Variants in ANXA5 observed in about 807,000 individuals in gnomAD.
ANXA5 encodes the protein annexin A5, also known as CBP-I.
ANXA5 carries 40 observed loss-of-function variants against 48.1 expected under a neutral mutation model. That is an observed-to-expected ratio of 0.83 (90% confidence interval 0.65 to 1.08). The LOEUF (loss-of-function observed/expected upper bound fraction) is 1.08. Ranked by LOEUF, ANXA5 falls within the 50% of genes least tolerant of loss-of-function variation. The pLI, the probability that ANXA5 is intolerant of heterozygous loss-of-function variation, is 0.00. For synonymous variants in ANXA5, 113 were observed against 129.1 expected, an observed-to-expected ratio of 0.88 and a Z score of 0.85; for missense variants, 357 against 376.8, an observed-to-expected ratio of 0.95 and a Z score of 0.44.
At chr4:121,671,805 T>C (rs1203191185) in intron 9 of ANXA5, among the ~76,000 whole-genome samples, 163 bp from the exon 10 acceptor site, 1 of 152,114 alleles carries the variant, frequency 6.6e-6, no homozygotes, top group Non-Finnish European at 1.5e-5. Context: ...CCCTAAGCAA[T>C]GGATTGTAAA....
chr4:121,677,170 AC>A (rs1400319486), intron 8 of ANXA5, among the ~76,000 whole-genome samples: 3 of 152,200 alleles, frequency 2.0e-5, no homozygotes, highest in Admixed American at 6.5e-5. Context: ...TTTCAATGAT[AC>A]ATGACAAACA....
chr4:121,696,413 A>C (rs952431651), intron 2 of ANXA5, among the ~76,000 whole-genome samples, 168 bp downstream of exon 2: 1 of 152,094 alleles, frequency 6.6e-6, no homozygotes, highest in Admixed American at 6.5e-5. Context: ...GGACACAGAA[A>C]CGGGGGCAGG....
At position 121,677,956 on chromosome 4, in the gene ANXA5, A is replaced by G; in HGVS notation, c.475-6T>C. The G allele has an allele frequency of 6.2e-7, 1 of 1,612,900 alleles. No individual in the cohort carries two copies. The highest frequency in any genetic ancestry group is 8.5e-7 in the Non-Finnish European group (1 of 1,178,972). ...GCATCAGGGTCTCTGTTAGCCTATGAGAGGTAATATGTCACATTACTGAAC... is the reference window on the plus strand; with the variant it reads ...GCATCAGGGTCTCTGTTAGCCTATGGGAGGTAATATGTCACATTACTGAAC... On this transcript the variant is annotated splice_polypyrimidine_tract_variant and splice_region_variant and intron_variant, in intron 7 of 12. Coordinates refer to ENST00000296511, the MANE Select transcript of ANXA5 (RefSeq NM_001154.4).
In ANXA5 at chr4:121,684,227, AT is replaced by A. The variant is rs558888026; in HGVS notation, c.189+449del. Among the ~76,000 whole-genome samples, 245 of 152,266 alleles carry A rather than the reference AT, an allele frequency of 1.6e-3. 1 individual carries two copies. Among genetic ancestry groups the A allele is most frequent in the Middle Eastern group, 0.014 (4 of 294 alleles). Reference sequence around the variant, plus strand: ...TAATTCATTTAAATAATTCAAATAAATTTTTTTGAATTATTAATCAAATAAA... The same window carrying A: ...TAATTCATTTAAATAATTCAAATAAATTTTTTGAATTATTAATCAAATAAA... On this transcript the variant is annotated intron_variant, in intron 4 of 12. Transcript: ENST00000296511.
At chr4:121,676,515 TAG>T (rs1724700627) in intron 8 of ANXA5, among the ~76,000 whole-genome samples, 1 of 152,164 alleles carries the variant, frequency 6.6e-6, no homozygotes, top group African/African-American at 2.4e-5. Context: ...CCCTTTCTGG[TAG>T]AGTTATGTGC....
At chr4:121,681,589 C>G in intron 6 of ANXA5, 82 bp downstream of exon 6, 1 of 902,588 alleles carries the variant, frequency 1.1e-6, no homozygotes, top group Non-Finnish European at 1.8e-6. Context: ...CCTCCCATAC[C>G]TACAAAGGAC....
intron 6 of ANXA5, among the ~76,000 whole-genome samples, chr4:121,679,164 C>T (rs957934316): frequency 1.3e-5 from 2 of 152,098 alleles, no homozygotes; most frequent in African/African-American, 4.8e-5. Flanking sequence ...CAAAAGCAAA[C>T]GAACTTTAAA....
chr4:121,669,847 A>T, intron 11 of ANXA5, 107 bp downstream of exon 11: 1 of 1,456,162 alleles, frequency 6.9e-7, no homozygotes, highest in Non-Finnish European at 9.4e-7. Context: ...GTTGAATGTT[A>T]TAAGGGAAAA....
chr4:121,684,835 C>T (rs1366758268), intron 3 of ANXA5, 64 bp from the exon 4 acceptor site: 3 of 1,271,280 alleles, frequency 2.4e-6, no homozygotes, highest in Admixed American at 1.8e-5. Flanking sequence ...ACGATCTTGG[C>T]AACTCGCTTC....
At position 121,672,412 on chromosome 4, in the gene ANXA5, G is replaced by T. The variant is rs182739597; in HGVS notation, c.625+121C>A. ...GATTTCTCCAGGTCACCAAAAGGAAGAAATACAAAAACTGATTCATTCTCT... is the reference window on the plus strand; with the variant it reads ...GATTTCTCCAGGTCACCAAAAGGAATAAATACAAAAACTGATTCATTCTCT... On this transcript the variant is annotated intron_variant, in intron 9 of 12. Coordinates refer to ENST00000296511, the MANE Select transcript of ANXA5 (RefSeq NM_001154.4). 1.1e-3 allele frequency: 714 copies of T among 667,068 alleles called. 6 individuals are homozygous for T. The Middle Eastern group carries it at 0.02, about 19-fold the overall frequency. 41.3% of individuals were successfully genotyped at this position (667,068 alleles called of 1,614,324 possible). A position where few individuals can be genotyped will look rare whatever the true frequency, so the allele number is the denominator to read the frequency against.
rs1401681724 is a variant in ANXA5, at chr4:121,668,213, TA to T, written c.*254del. On this transcript the variant is annotated 3_prime_UTR_variant, in exon 13 of 13. Transcript: ENST00000296511. ...ACTCTAGCCTCTTAAAAAATATATATAAATGGAAAATGGCCAGGCATTAAAC... is the reference window on the plus strand; with the variant it reads ...ACTCTAGCCTCTTAAAAAATATATATAATGGAAAATGGCCAGGCATTAAAC... 5 of 321,488 alleles carry T rather than the reference TA, an allele frequency of 1.6e-5. No individual in the cohort carries two copies. Among genetic ancestry groups the T allele is most frequent in the Non-Finnish European group, 2.8e-5 (5 of 177,102 alleles). 19.9% of individuals were successfully genotyped at this position (321,488 alleles called of 1,614,324 possible).
At chr4:121,682,097 CAT>C (rs1268082879) in intron 5 of ANXA5, among the ~76,000 whole-genome samples, 2 of 151,982 alleles carry the variant, frequency 1.3e-5, no homozygotes, top group East Asian at 3.8e-4. Context: ...TTTCATGAAA[CAT>C]GAAGTAATTT....
intron 2 of ANXA5, among the ~76,000 whole-genome samples, chr4:121,694,613 G>A (rs939144266): frequency 2.0e-5 from 3 of 152,116 alleles, no homozygotes; most frequent in African/African-American, 7.2e-5. Flanking sequence ...TCGAACTCCT[G>A]ACCTCGTGAT....
chr4:121,668,943 G>A (rs2110477829), intron 12 of ANXA5, among the ~76,000 whole-genome samples: 1 of 151,502 alleles, frequency 6.6e-6, no homozygotes, highest in East Asian at 2.0e-4. Flanking sequence ...AAAAGTGCAT[G>A]GGTAAACTCT....
chr4:121,679,963 G>A (rs969358629), intron 6 of ANXA5, among the ~76,000 whole-genome samples: 4 of 151,968 alleles, frequency 2.6e-5, no homozygotes, highest in African/African-American at 4.8e-5. Flanking sequence ...TAGTCACCAC[G>A]CTGTTCATGA....
chr4:121,676,866 A>G (rs1724707408), intron 8 of ANXA5, among the ~76,000 whole-genome samples: 1 of 152,180 alleles, frequency 6.6e-6, no homozygotes, highest in South Asian at 2.1e-4. Context: ...TAACCCATTC[A>G]GGAACCCGGA....
At chr4:121,674,310 GGAAGGAAAGGT>G (rs1323401342) in intron 8 of ANXA5, among the ~76,000 whole-genome samples, 10 of 143,888 alleles carry the variant, frequency 6.9e-5, no homozygotes, top group Admixed American at 3.5e-4. Flanking sequence ...AAATGGGAGG[GGAAGGAAAGGT>G]GAAGGAAAGA....
At chr4:121,688,943 G>C (rs1325764670) in intron 2 of ANXA5, among the ~76,000 whole-genome samples, 1 of 152,118 alleles carries the variant, frequency 6.6e-6, no homozygotes, top group Non-Finnish European at 1.5e-5. Context: ...ATTCCACCAA[G>C]AGGGAAATCC....
intron 5 of ANXA5, among the ~76,000 whole-genome samples, chr4:121,682,328 T>C (rs1001781429): frequency 6.6e-6 from 1 of 152,158 alleles, no homozygotes. Context: ...TTCTGGATTT[T>C]TGAAAAATCA....
Sources: gnomAD v4.1 joint callset for allele counts (sites outside exome capture counted in the v4.1 genomes callset) on GRCh38, gnomAD v4.1.1 for gene constraint, MANE v1.5 for transcripts, NCBI Gene and HGNC (gene_info 2026-07-23, HGNC 2026-07-21) for gene names.